The following UBE2R2 variants were observed in gnomAD, a reference collection of about 807,000 sequenced individuals.
The protein encoded by UBE2R2 is ubiquitin-conjugating enzyme E2 R2.
UBE2R2 carries 1 observed loss-of-function variant against 27.8 expected under a neutral mutation model. The ratio of observed to expected loss-of-function variants is 0.04; its 90% confidence interval spans 0.01 to 0.17. UBE2R2 has a LOEUF of 0.17. Among genes scored for constraint, UBE2R2 ranks in the 10% least tolerant of loss-of-function variants. The probability of loss-of-function intolerance (pLI) is 1.00; values close to 1 mark genes in which losing one functional copy is unlikely to be tolerated. For synonymous variants in UBE2R2, 106 were observed against 113.3 expected, an observed-to-expected ratio of 0.94 and a Z score of 0.41; for missense variants, 100 against 291.0, an observed-to-expected ratio of 0.34 and a Z score of 4.78.
intron 1 of UBE2R2, among the ~76,000 whole-genome samples, chr9:33,833,956 T>A (rs1034236229): frequency 2.0e-5 from 3 of 152,234 alleles, no homozygotes. Context: ...TCATCCATGT[T>A]GTAGCATGTC....
At chr9:33,891,610 G>C (rs555379470) in intron 2 of UBE2R2, among the ~76,000 whole-genome samples, 180 of 152,090 alleles carry the variant, frequency 1.2e-3, no homozygotes, top group African/African-American at 4.1e-3. Flanking sequence ...TTGCACCACT[G>C]CACTCCAGCC....
chr9:33,900,024 T>C (rs1822211847), intron 2 of UBE2R2, 150 bp from the exon 3 acceptor site: 1 of 523,232 alleles, frequency 1.9e-6, no homozygotes, highest in African/African-American at 1.9e-5. Context: ...TTAATTATTA[T>C]TTATCTTTGA....
intron 1 of UBE2R2, among the ~76,000 whole-genome samples, chr9:33,852,298 A>T (rs562980709): frequency 3.8e-4 from 58 of 152,290 alleles, no homozygotes; most frequent in African/African-American, 1.4e-3. Flanking sequence ...GTGATAGAGC[A>T]GACCCCATCT....
At position 33,844,166 on chromosome 9, in the gene UBE2R2, A is replaced by T. The variant is rs1030802402; in HGVS notation, c.177+26232A>T. Reference sequence around the variant, plus strand: ...TTTTATATTTTCATAAGTTTTATTAATTTGTCCAATTAATAAGCCTTTTTC... The same window carrying T: ...TTTTATATTTTCATAAGTTTTATTATTTTGTCCAATTAATAAGCCTTTTTC... On this transcript the variant is annotated intron_variant, in intron 1 of 4. Transcript: ENST00000263228. Among the ~76,000 whole-genome samples the T allele has an allele frequency of 2.0e-5, 3 of 152,088 alleles. No homozygotes were observed. In the South Asian group the frequency reaches 6.2e-4, roughly 32 times the overall value.
At chr9:33,909,276 A>G (rs1320288079) in intron 3 of UBE2R2, among the ~76,000 whole-genome samples, 2 of 152,082 alleles carry the variant, frequency 1.3e-5, no homozygotes, top group Non-Finnish European at 2.9e-5. Flanking sequence ...ACCTAAGGTC[A>G]GGAGTTTGAG....
rs1030903052 is a variant in UBE2R2, at chr9:33,849,752, G to A, written c.177+31818G>A. Among the ~76,000 whole-genome samples the A allele has an allele frequency of 6.6e-5, 10 of 151,688 alleles. No individual in the cohort carries two copies. The East Asian group carries it at 1.7e-3, about 26-fold the overall frequency. ...TGTGCTGCTAGTTCCAGCTGCCTAG[G>A]AGGCTGACATGGGAGGGTGACTTGA... On this transcript the variant is annotated intron_variant, in intron 1 of 4. Transcript: ENST00000263228.
At chr9:33,816,087 C>A (rs1475756915), upstream of UBE2R2, among the ~76,000 whole-genome samples, 1 of 151,926 alleles carries the variant, frequency 6.6e-6, no homozygotes, top group African/African-American at 2.4e-5. Context: ...CAAAACAAAA[C>A]CAAAAAACAA....
At chr9:33,914,664 CA>C (rs1392338692) in intron 4 of UBE2R2, among the ~76,000 whole-genome samples, 2 of 151,746 alleles carry the variant, frequency 1.3e-5, no homozygotes, top group African/African-American at 4.8e-5. Flanking sequence ...CCATCTCTAC[CA>C]AAAAATATAA....
At chr9:33,858,057 A>G (rs1462262105) in intron 1 of UBE2R2, among the ~76,000 whole-genome samples, 2 of 152,230 alleles carry the variant, frequency 1.3e-5, no homozygotes, top group Non-Finnish European at 1.5e-5. Context: ...CACCTCACAG[A>G]ATAATCGCAT....
At chr9:33,915,945 G>GT (rs1279120398) in intron 4 of UBE2R2, among the ~76,000 whole-genome samples, 1 of 152,184 alleles carries the variant, frequency 6.6e-6, no homozygotes, top group African/African-American at 2.4e-5. Flanking sequence ...CATGTGTGGG[G>GT]CAGGGGAAGA....
In UBE2R2 at chr9:33,817,574, TGAG is replaced by T; in HGVS notation, c.-178_-176del. ...GGCCCGGCCCGGCCTGCGTCGTGTG[TGAG>T]GAGGACCCCGGGCGGGCCCACGGGC... is the stretch of plus-strand genomic sequence containing the variant. On this transcript the variant is annotated 5_prime_UTR_variant, in exon 1 of 5. Transcript: ENST00000263228. The T allele has an allele frequency of 2.1e-6, 1 of 476,698 alleles. No homozygotes were observed. Among genetic ancestry groups the T allele is most frequent in the Non-Finnish European group, 2.8e-6 (1 of 351,610 alleles). The allele number at this position is 476,698 out of a possible 1,614,324, so 29.5% of individuals were successfully genotyped here. A position where few individuals can be genotyped will look rare whatever the true frequency, so the allele number is the denominator to read the frequency against.
Position 33,919,427 on chromosome 9 carries a change from A to G in UBE2R2, c.*2190A>G, listed in dbSNP as rs2130830414. The G allele has an allele frequency of 6.6e-6, 1 of 152,282 alleles. No individual in the cohort carries two copies. The highest frequency in any genetic ancestry group is 1.9e-4 in the East Asian group (1 of 5,186). 9.4% of individuals were successfully genotyped at this position (152,282 alleles called of 1,614,324 possible). Reference sequence around the variant, plus strand: ...CCCAGGGCAGCCCCAGCACCCTGGCATTGCGGGAGGTGCTCTGCTGCACAG... The same window carrying G: ...CCCAGGGCAGCCCCAGCACCCTGGCGTTGCGGGAGGTGCTCTGCTGCACAG... On this transcript the variant is annotated 3_prime_UTR_variant, in exon 5 of 5. Coordinates refer to ENST00000263228, the MANE Select transcript of UBE2R2 (RefSeq NM_017811.4).
intron 1 of UBE2R2, among the ~76,000 whole-genome samples, chr9:33,834,041 G>A (rs775424326): frequency 6.6e-6 from 1 of 152,092 alleles, no homozygotes. Flanking sequence ...GGATGCTTGG[G>A]TTGTTCCCAC....
intron 1 of UBE2R2, among the ~76,000 whole-genome samples, chr9:33,867,469 T>TATA (rs1821390235): frequency 6.6e-6 from 1 of 152,334 alleles, no homozygotes; most frequent in East Asian, 1.9e-4. Flanking sequence ...GCTACATATA[T>TATA]GTACAGGTGT....
chr9:33,822,866 G>A (rs1397208435), intron 1 of UBE2R2, among the ~76,000 whole-genome samples: 1 of 149,666 alleles, frequency 6.7e-6, no homozygotes, highest in Non-Finnish European at 1.5e-5. Context: ...ATGTCATTTA[G>A]ATATTTTATT....
intron 1 of UBE2R2, among the ~76,000 whole-genome samples, chr9:33,844,778 T>C (rs1210078581): frequency 6.6e-6 from 1 of 151,526 alleles, no homozygotes; most frequent in East Asian, 1.9e-4. Flanking sequence ...CCTTTTTTTT[T>C]CTTTTTCTGA....
In UBE2R2 at chr9:33,852,528, G is replaced by A. The variant is rs551678249; in HGVS notation, c.178-34353G>A. On this transcript the variant is annotated intron_variant, in intron 1 of 4. Transcript: ENST00000263228. Reference sequence around the variant, plus strand: ...TGGTTAGTTGATGCCAAGTTCTTTGGCACAATCCTGGGAGATTGGGCGAGG... The same window carrying A: ...TGGTTAGTTGATGCCAAGTTCTTTGACACAATCCTGGGAGATTGGGCGAGG... 1.3e-4 allele frequency among the ~76,000 whole-genome samples: 20 copies of A among 152,244 alleles called. No individual in the cohort carries two copies. The South Asian group carries it at 3.5e-3, about 27-fold the overall frequency.
chr9:33,877,676 T>C (rs1325168558), intron 1 of UBE2R2, among the ~76,000 whole-genome samples: 1 of 152,174 alleles, frequency 6.6e-6, no homozygotes, highest in Non-Finnish European at 1.5e-5. Flanking sequence ...TTAAGGTTGG[T>C]ATTAATCTTT....
chr9:33,898,860 CTT>C (rs1385685565), intron 2 of UBE2R2, among the ~76,000 whole-genome samples: 4 of 152,198 alleles, frequency 2.6e-5, no homozygotes, highest in African/African-American at 7.2e-5. Flanking sequence ...CTAACTTTAT[CTT>C]TTCTATTGAA....
Sources: allele counts gnomAD v4.1 joint callset (sites outside exome capture counted in the v4.1 genomes callset), GRCh38; gene constraint gnomAD v4.1.1; transcripts MANE v1.5; gene names NCBI Gene and HGNC (gene_info 2026-07-23, HGNC 2026-07-21).